Variants in SHPK observed in about 807,000 individuals in gnomAD.
SHPK encodes the protein carbohydrate kinase-like protein.
In SHPK, 51 loss-of-function variants were observed where a neutral mutation model predicts 46.3. The observed-to-expected ratio is 1.10, with a 90% CI of 0.88 to 1.39. SHPK has a LOEUF of 1.39. Ranked by LOEUF, SHPK falls within the 40% of genes most tolerant of loss-of-function variation. The pLI is 0.00. For synonymous variants in SHPK, 290 were observed against 273.9 expected, an observed-to-expected ratio of 1.06 and a Z score of -0.58; for missense variants, 668 against 641.3, an observed-to-expected ratio of 1.04 and a Z score of -0.45.
intron 6 of SHPK, among the ~76,000 whole-genome samples, chr17:3,614,945 G>A (rs545209930): frequency 2.0e-5 from 3 of 152,144 alleles, no homozygotes; most frequent in African/African-American, 4.8e-5. Context: ...AGTGAAATAC[G>A]CACCATTGTA....
chr17:3,621,271 A>G lies in SHPK; in HGVS notation c.789T>C (p.Ser263=). 1 of 1,614,008 alleles carries G rather than the reference A, an allele frequency of 6.2e-7. No homozygotes were observed. Among genetic ancestry groups the G allele is most frequent in the Non-Finnish European group, 8.5e-7 (1 of 1,179,964 alleles). The change falls in exon 5 of 7, where the codon TCT becomes TCC. Residue 263 remains serine (S), a synonymous_variant. Coordinates refer to ENST00000225519, the MANE Select transcript of SHPK (RefSeq NM_013276.4). ...VGVALGDLQA[S]VYSCMAQRTD... is the part of the protein sequence containing the mutation. The stretch of plus-strand genomic sequence containing the variant: ...TCCTCTGGGCCATGCAGGAATAGAC[A>G]GAGGCCTGTAAATCACCCAAGGCCA...
Position 3,623,383 on chromosome 17 carries a change from G to C in SHPK, c.603C>G (p.Ser201Arg), listed in dbSNP as rs150815716. The C allele has an allele frequency of 8.7e-6, 14 of 1,614,072 alleles. No homozygotes were observed. Among genetic ancestry groups the C allele is most frequent in the Non-Finnish European group, 1.1e-5 (13 of 1,180,028 alleles). The change falls in exon 4 of 7, where the codon AGC (serine) becomes AGG (arginine). Residue 201 changes from serine to arginine, a missense_variant. Ser to Arg is a moderately radical substitution (Grantham distance 110, BLOSUM62 -1). Transcript: ENST00000225519. ...GGCTCTGCGTGTTGAAATAGCCCCA[G>C]CTGGCAGCATTCTGGTCGGACATCA... ...RPLMSDQNAA[S>R]WGYFNTQSQS...
At chr17:3,631,539 TAG>T (rs2075472240) in intron 1 of SHPK, among the ~76,000 whole-genome samples, 1 of 127,536 alleles carries the variant, frequency 7.8e-6, no homozygotes, top group Non-Finnish European at 1.7e-5. Context: ...TTTTTTTTTT[TAG>T]CGATAGAGTC....
intron 2 of SHPK, among the ~76,000 whole-genome samples, 189 bp downstream of exon 2, chr17:3,630,016 T>C (rs161362): frequency 1 from 152,145 of 152,222 alleles, 76,034 homozygotes; most frequent in Non-Finnish European, 1. Flanking sequence ...GGGCAGTTCC[T>C]TTGTTCACCT....
chr17:3,626,718 T>C (rs2075439939), intron 2 of SHPK, among the ~76,000 whole-genome samples: 1 of 85,896 alleles, frequency 1.2e-5, no homozygotes, highest in African/African-American at 5.7e-5. Flanking sequence ...CAAGACTCCA[T>C]CTCAAAAAAA....
chr17:3,611,396 C>T (rs1176229489), intron 6 of SHPK, among the ~76,000 whole-genome samples: 2 of 152,152 alleles, frequency 1.3e-5, no homozygotes, highest in Non-Finnish European at 2.9e-5. Flanking sequence ...TGGTGAAACC[C>T]TGTCTCTACT....
intron 1 of SHPK, among the ~76,000 whole-genome samples, chr17:3,630,558 T>C (rs1216278898): frequency 1.3e-5 from 2 of 152,180 alleles, no homozygotes; most frequent in Non-Finnish European, 2.9e-5. Flanking sequence ...TTCTCTGTGC[T>C]ATAAATAGAA....
chr17:3,626,635 T>A (rs1177302390), intron 2 of SHPK, among the ~76,000 whole-genome samples: 1 of 147,928 alleles, frequency 6.8e-6, no homozygotes, highest in Non-Finnish European at 1.5e-5. Context: ...GGCAGGAGAA[T>A]GGCGTGAACC....
chr17:3,617,658 C>G (rs1281739531), intron 5 of SHPK, among the ~76,000 whole-genome samples: 1 of 152,042 alleles, frequency 6.6e-6, no homozygotes, highest in East Asian at 1.9e-4. Flanking sequence ...AAGTTTTAAC[C>G]TAAACAAACA....
In SHPK at chr17:3,630,366, C is replaced by T; in HGVS notation, c.169-20G>A. 2 of 1,597,330 alleles carry T rather than the reference C, an allele frequency of 1.3e-6. No homozygotes were observed. The highest frequency in any genetic ancestry group is 1.1e-5 in the South Asian group (1 of 89,496). On this transcript the variant is annotated intron_variant, in intron 1 of 6. Transcript: ENST00000225519. ...CCGCCCCTGGAAGCAAAAGAGAACA[C>T]ATGGGCAGGGGCAGACACACAGGCA...
intron 6 of SHPK, among the ~76,000 whole-genome samples, chr17:3,612,017 T>G (rs2075343047): frequency 6.6e-6 from 1 of 151,674 alleles, no homozygotes; most frequent in South Asian, 2.1e-4. Context: ...TTGGACAGGC[T>G]GGTCTCAAGC....
At chr17:3,634,349 C>A (rs1042631799) in intron 1 of SHPK, among the ~76,000 whole-genome samples, 1 of 151,708 alleles carries the variant, frequency 6.6e-6, no homozygotes, top group Non-Finnish European at 1.5e-5. Context: ...GCAGGCAGAT[C>A]AGTTGAGGTC....
chr17:3,621,044 G>C (rs2075397126), intron 5 of SHPK, among the ~76,000 whole-genome samples, 193 bp downstream of exon 5: 1 of 152,198 alleles, frequency 6.6e-6, no homozygotes, highest in Non-Finnish European at 1.5e-5. Flanking sequence ...AACTTGCCCT[G>C]CTGGCCTGTA....
chr17:3,631,512 C>CT (rs371958939), intron 1 of SHPK, among the ~76,000 whole-genome samples: 575 of 53,008 alleles, frequency 0.011, 164 homozygotes, highest in African/African-American at 0.047. Flanking sequence ...TAATTTAATG[C>CT]TTTTTTTTTT....
chr17:3,629,610 C>T (rs535224747), intron 2 of SHPK, among the ~76,000 whole-genome samples: 50 of 152,010 alleles, frequency 3.3e-4, no homozygotes, highest in African/African-American at 1.2e-3. Context: ...CACCTGTAGT[C>T]CCAGCTACTC....
intron 5 of SHPK, 100 bp downstream of exon 5, chr17:3,621,137 A>C: frequency 1.0e-6 from 1 of 992,396 alleles, no homozygotes; most frequent in African/African-American, 1.6e-5. Context: ...CAGGATGCCA[A>C]GACTGCTAAG....
chr17:3,614,732 C>T (rs989616220), intron 6 of SHPK, among the ~76,000 whole-genome samples: 2 of 151,016 alleles, frequency 1.3e-5, no homozygotes, highest in African/African-American at 4.9e-5. Flanking sequence ...CCTGTAATCC[C>T]AGCTACTCGG....
At chr17:3,619,522 G>T in intron 5 of SHPK, 1 of 586,068 alleles carries the variant, frequency 1.7e-6, no homozygotes. Context: ...ATCACAAGGT[G>T]AAGAGATTGA....
chr17:3,631,539 T>A (rs9902832), intron 1 of SHPK, among the ~76,000 whole-genome samples: 16,468 of 127,112 alleles, frequency 0.13, 1,134 homozygotes, highest in Non-Finnish European at 0.16. Flanking sequence ...TTTTTTTTTT[T>A]AGCGATAGAG....
Sources: allele counts gnomAD v4.1 joint callset (sites outside exome capture counted in the v4.1 genomes callset), GRCh38; gene constraint gnomAD v4.1.1; transcripts MANE v1.5; gene names NCBI Gene and HGNC (gene_info 2026-07-23, HGNC 2026-07-21).